Variants in PALM2AKAP2 observed in about 807,000 individuals in gnomAD.
PALM2AKAP2 encodes the protein PALM2 and AKAP2 fusion, also known as PALM2-AKAP2 fusion protein.
In PALM2AKAP2, 37 loss-of-function variants were observed where a neutral mutation model predicts 71.5. That is an observed-to-expected ratio of 0.52 (90% CI 0.40 to 0.68). The LOEUF (loss-of-function observed/expected upper bound fraction) is 0.68, where lower values mean the gene tolerates loss of function less well. PALM2AKAP2 is among the 30% of genes least tolerant of loss of function. The pLI is 0.00. For synonymous variants in PALM2AKAP2, 468 were observed against 478.8 expected (o/e 0.98, Z 0.29); for missense variants, 1,224 against 1,191.8 (o/e 1.03, Z -0.40).
At chr9:109,865,295 C>T (rs1269581643) in intron 1 of PALM2AKAP2, among the ~76,000 whole-genome samples, 7 of 151,746 alleles carry the variant, frequency 4.6e-5, no homozygotes, top group Non-Finnish European at 8.8e-5. Flanking sequence ...GATGGGGTTT[C>T]GCCATGTTGG....
chr9:109,922,693 C>T (rs958299334), intron 3 of PALM2AKAP2, among the ~76,000 whole-genome samples: 3 of 152,166 alleles, frequency 2.0e-5, no homozygotes, highest in African/African-American at 7.2e-5. Flanking sequence ...TGCTGCATAT[C>T]AGTGCCATCC....
At chr9:109,919,226 G>C (rs980185976) in intron 3 of PALM2AKAP2, among the ~76,000 whole-genome samples, 2 of 152,126 alleles carry the variant, frequency 1.3e-5, no homozygotes, top group Non-Finnish European at 2.9e-5. Flanking sequence ...AATAGATGTT[G>C]GGGTGCTCCC....
intron 3 of PALM2AKAP2, among the ~76,000 whole-genome samples, chr9:110,159,144 T>TG (rs1347105030): frequency 1.3e-5 from 2 of 152,208 alleles, no homozygotes; most frequent in Non-Finnish European, 2.9e-5. Context: ...GATGGATTGC[T>TG]GGGGGGATGA....
Position 109,901,916 on chromosome 9 carries a change from C to T in PALM2AKAP2, c.257+21235C>T, listed in dbSNP as rs73537452. On this transcript the variant is annotated intron_variant, in intron 3 of 9. Transcript: ENST00000302798. ...CAGAGAAAGAATCAGACAGAAGCAG[C>T]GCACGGCTCTGGAGAGTTGCAGGGA... Among the ~76,000 whole-genome samples the T allele has an allele frequency of 8.3e-3, 1,256 of 152,212 alleles. 18 individuals carry two copies. The highest frequency in any genetic ancestry group is 0.029 in the African/African-American group (1,199 of 41,528).
intron 1 of PALM2AKAP2, among the ~76,000 whole-genome samples, chr9:109,848,924 A>G (rs1828935841): frequency 6.6e-6 from 1 of 152,190 alleles, no homozygotes; most frequent in South Asian, 2.1e-4. Flanking sequence ...AAGTTGATTC[A>G]ATTATAGACT....
rs58758256 is a variant in PALM2AKAP2 at position 110,165,284 on chromosome 9, TCACACACACACACACACA to T, written c.2749-3087_2749-3070del. ...TAAAAGCTCTAAATTTGCTAGAGAT[TCACACACACACACACACA>T]CACACACACACACACACACACACAC... is the stretch of plus-strand genomic sequence containing the variant. On this transcript the variant is annotated intron_variant, in intron 3 of 3. Transcript: ENST00000374525. Among the ~76,000 whole-genome samples, 1,340 of 142,344 alleles carry T rather than the reference TCACACACACACACACACA, an allele frequency of 9.4e-3. 5 individuals are homozygous for T. Among genetic ancestry groups the T allele is most frequent in the East Asian group, 0.023 (112 of 4,874 alleles). The allele number at this position is 142,344 out of a possible 152,430, so 93.4% of individuals were successfully genotyped here.
intron 1 of PALM2AKAP2, among the ~76,000 whole-genome samples, chr9:109,647,636 T>C (rs1307234419): frequency 1.3e-5 from 2 of 152,232 alleles, no homozygotes; most frequent in Admixed American, 1.3e-4. Flanking sequence ...TGAATATTTA[T>C]GTTTGACTAG....
At position 109,814,740 on chromosome 9, in the gene PALM2AKAP2, A is replaced by G. The variant is rs147175847; in HGVS notation, c.45+34207A>G. On this transcript the variant is annotated intron_variant, in intron 1 of 9. Transcript: ENST00000302798. ...TGGCAATTTAATTTTGAACACATGTATATCTGACACCAAGACTCATCTATC... is the reference window on the plus strand; with the variant it reads ...TGGCAATTTAATTTTGAACACATGTGTATCTGACACCAAGACTCATCTATC... 6.0e-4 allele frequency among the ~76,000 whole-genome samples: 92 copies of G among 152,372 alleles called. No individual in the cohort carries two copies. In the East Asian group the frequency reaches 0.017, roughly 28 times the overall value.
chr9:110,141,413 A>C (rs1224964888), intron 2 of PALM2AKAP2, among the ~76,000 whole-genome samples: 1 of 152,222 alleles, frequency 6.6e-6, no homozygotes, highest in Non-Finnish European at 1.5e-5. Flanking sequence ...CTTCATGTTT[A>C]TCTCTAGAAC....
intron 1 of PALM2AKAP2, among the ~76,000 whole-genome samples, chr9:109,827,624 T>A (rs377456725): frequency 2.7e-4 from 41 of 151,910 alleles, no homozygotes; most frequent in African/African-American, 9.7e-4. Context: ...AGAAAAAAAA[T>A]TATGAGTTGC....
chr9:109,964,813 C>T (rs1176194000), intron 6 of PALM2AKAP2, among the ~76,000 whole-genome samples: 1 of 152,188 alleles, frequency 6.6e-6, no homozygotes, highest in African/African-American at 2.4e-5. Flanking sequence ...CATGGAGCTT[C>T]CCTTGGGTGT....
At chr9:109,973,094 T>G (rs1334471272) in intron 6 of PALM2AKAP2, among the ~76,000 whole-genome samples, 1 of 152,146 alleles carries the variant, frequency 6.6e-6, no homozygotes, top group Non-Finnish European at 1.5e-5. Context: ...ATAGAATGGA[T>G]CAACTTTCAT....
At chr9:109,962,925 T>C (rs750398008) in intron 6 of PALM2AKAP2, among the ~76,000 whole-genome samples, 4 of 152,198 alleles carry the variant, frequency 2.6e-5, no homozygotes, top group African/African-American at 9.7e-5. Context: ...TAACATAGAT[T>C]ATCTTATTTA....
intron 6 of PALM2AKAP2, among the ~76,000 whole-genome samples, chr9:109,988,778 G>A (rs1163581070): frequency 6.6e-6 from 1 of 152,172 alleles, no homozygotes; most frequent in East Asian, 1.9e-4. Flanking sequence ...TGGTTTGGTT[G>A]TATCCCTACC....
intron 1 of PALM2AKAP2, among the ~76,000 whole-genome samples, chr9:109,831,162 CACACACACACACACACACACAA>C (rs1337284891): frequency 1.4e-5 from 2 of 146,910 alleles, no homozygotes; most frequent in Admixed American, 1.4e-4. Flanking sequence ...CACACACACA[CACACACACACACACACACACAA>C]GCATAAATAG....
At chr9:109,960,344 G>T (rs1017115356) in intron 6 of PALM2AKAP2, among the ~76,000 whole-genome samples, 5 of 152,200 alleles carry the variant, frequency 3.3e-5, no homozygotes, top group Non-Finnish European at 7.3e-5. Flanking sequence ...CTTCAGTGGG[G>T]CTCCTCTGTA....
At chr9:109,671,146 T>G (rs906109887) in intron 1 of PALM2AKAP2, among the ~76,000 whole-genome samples, 1 of 151,778 alleles carries the variant, frequency 6.6e-6, no homozygotes, top group Non-Finnish European at 1.5e-5. Context: ...CATGTCATTT[T>G]TTTGCTTTTG....
intron 1 of PALM2AKAP2, among the ~76,000 whole-genome samples, chr9:110,131,279 C>T (rs1335782251): frequency 6.6e-6 from 1 of 152,116 alleles, no homozygotes; most frequent in African/African-American, 2.4e-5. Context: ...TGAACTGGGC[C>T]GATCTAAAAA....
At chr9:109,946,971 C>T (rs1588026982) in intron 6 of PALM2AKAP2, among the ~76,000 whole-genome samples, 1 of 152,234 alleles carries the variant, frequency 6.6e-6, no homozygotes, top group East Asian at 1.9e-4. Context: ...ATCTCTTTTA[C>T]CCATATTATT....
Sources: allele counts gnomAD v4.1 joint callset (sites outside exome capture counted in the v4.1 genomes callset), GRCh38; gene constraint gnomAD v4.1.1; transcripts MANE v1.5; gene names NCBI Gene and HGNC (gene_info 2026-07-23, HGNC 2026-07-21).